GPAT4: variants seen among roughly 807,000 people sequenced by gnomAD.
GPAT4 encodes the protein glycerol-3-phosphate acyltransferase 4, also known as 1-AGP acyltransferase 6.
Under a neutral mutation model 58.0 loss-of-function variants are expected in GPAT4, and 17 were observed. That is an observed-to-expected ratio of 0.29 (90% confidence interval 0.20 to 0.44). GPAT4 has a LOEUF of 0.44. Ranked by LOEUF, GPAT4 falls within the 20% of genes least tolerant of loss-of-function variation. The pLI is 1.00. For missense variants in GPAT4, 377 were observed against 574.5 expected (o/e 0.66, Z 3.51); for synonymous variants, 204 against 210.1 (o/e 0.97, Z 0.25).
At chr8:41,595,860 G>A (rs1802917364) in intron 1 of GPAT4, among the ~76,000 whole-genome samples, 1 of 151,648 alleles carries the variant, frequency 6.6e-6, no homozygotes, top group Non-Finnish European at 1.5e-5. Context: ...TCTCTCTGCT[G>A]GTCTTTCCTT....
chr8:41,581,505 G>A (rs1430190383), intron 1 of GPAT4, among the ~76,000 whole-genome samples: 2 of 152,140 alleles, frequency 1.3e-5, no homozygotes, highest in African/African-American at 4.8e-5. Flanking sequence ...AGGCTGGAGT[G>A]CAGTGGCATG....
At chr8:41,585,933 G>C (rs756688527) in intron 1 of GPAT4, among the ~76,000 whole-genome samples, 2 of 152,200 alleles carry the variant, frequency 1.3e-5, no homozygotes, top group Non-Finnish European at 2.9e-5. Context: ...TATTCTTTTT[G>C]AACAACTTAA....
At chr8:41,605,275 T>A (rs933516155) in intron 2 of GPAT4, among the ~76,000 whole-genome samples, 4 of 152,222 alleles carry the variant, frequency 2.6e-5, no homozygotes, top group Non-Finnish European at 5.9e-5. Flanking sequence ...TAACTCAGAA[T>A]GAATTAGTTG....
chr8:41,593,611 C>T (rs1470112243), intron 1 of GPAT4, among the ~76,000 whole-genome samples: 2 of 152,156 alleles, frequency 1.3e-5, no homozygotes, highest in Non-Finnish European at 2.9e-5. Flanking sequence ...TGAGTCCATC[C>T]CTTTTTTGCT....
intron 1 of GPAT4, among the ~76,000 whole-genome samples, chr8:41,590,957 A>G (rs1046619838): frequency 6.6e-6 from 1 of 152,216 alleles, no homozygotes; most frequent in Non-Finnish European, 1.5e-5. Context: ...GACGAGCCAT[A>G]GTCAAGAACC....
At chr8:41,579,314 G>C (rs912097377) in intron 1 of GPAT4, among the ~76,000 whole-genome samples, 2 of 152,162 alleles carry the variant, frequency 1.3e-5, no homozygotes, top group African/African-American at 4.8e-5. Flanking sequence ...GGCTATTCCT[G>C]TGCCATACAC....
chr8:41,603,001 T>C (rs1803146925), intron 2 of GPAT4, among the ~76,000 whole-genome samples: 1 of 152,176 alleles, frequency 6.6e-6, no homozygotes, highest in Non-Finnish European at 1.5e-5. Flanking sequence ...AGGCTCCACC[T>C]CCAAATGCCA....
intron 1 of GPAT4, among the ~76,000 whole-genome samples, chr8:41,582,940 T>A (rs1203536953): frequency 6.6e-6 from 1 of 152,040 alleles, no homozygotes; most frequent in Non-Finnish European, 1.5e-5. Context: ...TACAAGAAAT[T>A]GGCCTGACGT....
intron 1 of GPAT4, among the ~76,000 whole-genome samples, chr8:41,584,144 A>G (rs949525904): frequency 1.2e-4 from 18 of 152,080 alleles, no homozygotes; most frequent in African/African-American, 3.6e-4. Flanking sequence ...TGATCCGCCC[A>G]CCTCGGCCTC....
At chr8:41,586,731 TC>T (rs938761767) in intron 1 of GPAT4, among the ~76,000 whole-genome samples, 1 of 152,144 alleles carries the variant, frequency 6.6e-6, no homozygotes, top group Non-Finnish European at 1.5e-5. Context: ...ATGAATGTGA[TC>T]CCCCTCCTTT....
intron 1 of GPAT4, among the ~76,000 whole-genome samples, chr8:41,595,492 A>G (rs1264931420): frequency 6.6e-6 from 1 of 152,124 alleles, no homozygotes; most frequent in Non-Finnish European, 1.5e-5. Flanking sequence ...TTACTAGGTT[A>G]AGGATGGTTG....
At position 41,600,036 on chromosome 8, in the gene GPAT4, C is replaced by CTTTTTTTTTTTTTTTT. The variant is rs758905649; in HGVS notation, c.165+735_165+750dup. Among the ~76,000 whole-genome samples the CTTTTTTTTTTTTTTTT allele has an allele frequency of 1.7e-4, 17 of 100,332 alleles. 2 individuals are homozygous for CTTTTTTTTTTTTTTTT. The highest frequency in any genetic ancestry group is 2.0e-4 in the African/African-American group (5 of 24,938). The allele number at this position is 100,332 out of a possible 152,430, so 65.8% of individuals were successfully genotyped here. On this transcript the variant is annotated intron_variant, in intron 2 of 12. Coordinates refer to ENST00000396987, the MANE Select transcript of GPAT4 (RefSeq NM_178819.4). ...TGTTCATATTTTATCTTTTTCTTTT[C>CTTTTTTTTTTTTTTTT]TTTTTTTTTTTTTTTTTTCGAGACA... is the stretch of plus-strand genomic sequence containing the variant.
chr8:41,581,019 A>G (rs1406158589), intron 1 of GPAT4, among the ~76,000 whole-genome samples: 1 of 152,252 alleles, frequency 6.6e-6, no homozygotes, highest in East Asian at 1.9e-4. Context: ...CTGGTTAAAC[A>G]TGAACTGTAC....
rs763497752 is a variant in GPAT4 at position 41,618,819 on chromosome 8, G to C, written c.1182+7G>C. On this transcript the variant is annotated splice_region_variant and intron_variant, in intron 11 of 12. Coordinates refer to ENST00000396987, the MANE Select transcript of GPAT4 (RefSeq NM_178819.4). Reference sequence around the variant, plus strand: ...GCCTCCCATGACTAGAGAGGTGAGTGCCTGCCCCAGGCAGGTCTGCGCCTG... The same window carrying C: ...GCCTCCCATGACTAGAGAGGTGAGTCCCTGCCCCAGGCAGGTCTGCGCCTG... The C allele has an allele frequency of 6.2e-7, 1 of 1,614,138 alleles. No homozygotes were observed. Among genetic ancestry groups the C allele is most frequent in the African/African-American group, 1.3e-5 (1 of 74,946 alleles).
Position 41,615,127 on chromosome 8 carries a change from G to A in GPAT4, c.1053+79G>A, listed in dbSNP as rs1366010601. ...GTGCAGCAGGAGGAGGTAGAGGAAG[G>A]AGCTGGGGTCACCAGTCTGTGGTCG... On this transcript the variant is annotated intron_variant, in intron 10 of 12. Coordinates refer to ENST00000396987, the MANE Select transcript of GPAT4 (RefSeq NM_178819.4). 27 of 1,321,740 alleles carry A rather than the reference G, an allele frequency of 2.0e-5. No homozygotes were observed. In the East Asian group the frequency reaches 5.7e-4, roughly 28 times the overall value. 81.9% of individuals were successfully genotyped at this position (1,321,740 alleles called of 1,614,324 possible).
chr8:41,614,236 C>A, intron 8 of GPAT4, 150 bp from the exon 9 acceptor site: 1 of 607,860 alleles, frequency 1.6e-6, no homozygotes, highest in Non-Finnish European at 2.8e-6. Context: ...TCTTGATGAG[C>A]ATTAGATTAT....
intron 1 of GPAT4, among the ~76,000 whole-genome samples, chr8:41,596,257 A>C (rs925895418): frequency 2.8e-4 from 42 of 150,692 alleles, no homozygotes; most frequent in African/African-American, 1.0e-3. Flanking sequence ...CGCTCACCCC[A>C]CACACACACC....
intron 1 of GPAT4, among the ~76,000 whole-genome samples, chr8:41,586,908 A>G (rs1367643525): frequency 1.3e-5 from 2 of 152,212 alleles, no homozygotes; most frequent in African/African-American, 4.8e-5. Flanking sequence ...ACAAATCCAG[A>G]TTGTACCTGC....
At chr8:41,586,695 C>T (rs909398688) in intron 1 of GPAT4, among the ~76,000 whole-genome samples, 8 of 152,136 alleles carry the variant, frequency 5.3e-5, no homozygotes, top group Non-Finnish European at 8.8e-5. Flanking sequence ...CCTGGGATGT[C>T]GTTCTAGAGC....
Sources: allele counts gnomAD v4.1 joint callset (sites outside exome capture counted in the v4.1 genomes callset), GRCh38; gene constraint gnomAD v4.1.1; transcripts MANE v1.5; gene names NCBI Gene and HGNC (gene_info 2026-07-23, HGNC 2026-07-21).